Variants in APLP2 observed in about 807,000 individuals in gnomAD.
APLP2 encodes CDEI box-binding protein.
APLP2 carries 53 observed loss-of-function variants against 89.9 expected under a neutral mutation model. The ratio of observed to expected loss-of-function variants is 0.59; its 90% CI spans 0.47 to 0.74. The LOEUF is 0.74. APLP2 is among the 30% of genes least tolerant of loss of function. The pLI, the probability that APLP2 is intolerant of heterozygous loss-of-function variation, is 0.00. For missense variants in APLP2, 973 were observed against 975.9 expected, an observed-to-expected ratio of 1.00 and a Z score of 0.04; for synonymous variants, 372 against 348.6, an observed-to-expected ratio of 1.07 and a Z score of -0.75.
intron 1 of APLP2, chr11:130,109,040 G>C (rs991226828): frequency 6.6e-6 from 1 of 152,654 alleles, no homozygotes; most frequent in African/African-American, 2.4e-5. Context: ...CACACACTGG[G>C]GCCTGTCGTG....
At chr11:130,142,600 GTTT>G (rs914838474) in intron 16 of APLP2, among the ~76,000 whole-genome samples, 1 of 151,960 alleles carries the variant, frequency 6.6e-6, no homozygotes, top group African/African-American at 2.4e-5. Flanking sequence ...AGTTATTTGT[GTTT>G]TTTTGTTTGT....
chr11:130,128,611 A>G (rs1950616782), intron 9 of APLP2, among the ~76,000 whole-genome samples: 1 of 152,206 alleles, frequency 6.6e-6, no homozygotes, highest in Non-Finnish European at 1.5e-5. Flanking sequence ...AAAAATCACA[A>G]TTACTTTTGC....
At chr11:130,096,620 A>G (rs542552441) in intron 1 of APLP2, among the ~76,000 whole-genome samples, 1 of 152,310 alleles carries the variant, frequency 6.6e-6, no homozygotes, top group South Asian at 2.1e-4. Context: ...CAGAAGGCCA[A>G]GGCAGGAGGA....
chr11:130,077,238 T>C (rs1942293007), intron 1 of APLP2, among the ~76,000 whole-genome samples: 1 of 152,212 alleles, frequency 6.6e-6, no homozygotes, highest in Non-Finnish European at 1.5e-5. Context: ...GGGATAATGC[T>C]ATCATTTTAA....
chr11:130,108,103 A>G (rs1948039334), intron 1 of APLP2, among the ~76,000 whole-genome samples: 1 of 152,274 alleles, frequency 6.6e-6, no homozygotes, highest in Non-Finnish European at 1.5e-5. Flanking sequence ...ACTTAAAACC[A>G]TAAAAACCCC....
chr11:130,083,987 C>T (rs1565553674), intron 1 of APLP2, among the ~76,000 whole-genome samples: 1 of 152,230 alleles, frequency 6.6e-6, no homozygotes, highest in Non-Finnish European at 1.5e-5. Flanking sequence ...TGCCTCACGC[C>T]TGTAATCCCA....
chr11:130,138,615 T>C (rs1951935251), intron 13 of APLP2, among the ~76,000 whole-genome samples: 1 of 117,780 alleles, frequency 8.5e-6, no homozygotes, highest in Non-Finnish European at 1.7e-5. Flanking sequence ...TGAGATGGGG[T>C]CTTGCTGTTG....
rs550466708 is a variant in APLP2, at chr11:130,141,770, T to G, written c.1999-149T>G. 301 of 1,003,160 alleles carry G rather than the reference T, an allele frequency of 3.0e-4. 3 individuals carry two copies. The South Asian group carries it at 4.6e-3, about 15-fold the overall frequency. The allele number at this position is 1,003,160 out of a possible 1,614,324, so 62.1% of individuals were successfully genotyped here. On this transcript the variant is annotated intron_variant, in intron 15 of 16. Coordinates refer to ENST00000338167, the MANE Select transcript of APLP2 (RefSeq NM_001142276.2). This position sits in a 1 kb window ranked among gnomAD's most constrained non-coding sequence, Gnocchi z 4.2. ...TTGGGAAGAGTGGGCGTTCTCCACCTGTGGGTGGTTCCCTGCAAAGCAGGA... is the reference window on the plus strand; with the variant it reads ...TTGGGAAGAGTGGGCGTTCTCCACCGGTGGGTGGTTCCCTGCAAAGCAGGA...
Position 130,109,560 on chromosome 11 carries a change from C to G in APLP2, c.237C>G (p.Ser79Arg). 6.2e-7 allele frequency: 1 copy of G among 1,613,446 alleles called. No individual in the cohort carries two copies. Among genetic ancestry groups the G allele is most frequent in the Non-Finnish European group, 8.5e-7 (1 of 1,179,712 alleles). The change falls in exon 2 of 17, where the codon AGC (serine) becomes AGG (arginine). Residue 79 changes from serine to arginine, a missense_variant. By Grantham distance (110) the Ser-to-Arg change is moderately radical. Coordinates refer to ENST00000338167, the MANE Select transcript of APLP2 (RefSeq NM_001142276.2). ...KWEPDPTGTKSCFETKEEVLQ... is the reference protein window; with the variant it reads ...KWEPDPTGTKRCFETKEEVLQ... ...AACCTGATCCAACAGGCACCAAGAG[C>G]TGCTTTGAAACAAAAGAAGAAGTTC...
chr11:130,112,772 C>A (rs1356113680), intron 3 of APLP2, among the ~76,000 whole-genome samples: 1 of 152,128 alleles, frequency 6.6e-6, no homozygotes, highest in African/African-American at 2.4e-5. Flanking sequence ...TGCACAAAAT[C>A]TTAAAAAAGA....
chr11:130,099,426 A>G (rs923178435), intron 1 of APLP2, among the ~76,000 whole-genome samples: 1 of 152,272 alleles, frequency 6.6e-6, no homozygotes, highest in African/African-American at 2.4e-5. Flanking sequence ...ATGAGATTAC[A>G]TAGCAAGGAA....
intron 6 of APLP2, among the ~76,000 whole-genome samples, chr11:130,122,960 A>G (rs1426363149): frequency 6.7e-6 from 1 of 149,504 alleles, no homozygotes; most frequent in Non-Finnish European, 1.5e-5. Flanking sequence ...GGTGAAATTT[A>G]TTGACCTGCT....
chr11:130,097,918 C>G (rs1398444114), intron 1 of APLP2, among the ~76,000 whole-genome samples: 3 of 152,272 alleles, frequency 2.0e-5, no homozygotes, highest in Non-Finnish European at 4.4e-5. Flanking sequence ...AGTTATTCTT[C>G]AGCAAGGACC....
intron 1 of APLP2, among the ~76,000 whole-genome samples, chr11:130,079,597 T>C (rs1942809692): frequency 6.6e-6 from 1 of 152,250 alleles, no homozygotes; most frequent in Admixed American, 6.5e-5. Flanking sequence ...TTTTTCAGAT[T>C]GACCTTGTAT....
chr11:130,100,882 C>T (rs1024043374), intron 1 of APLP2, among the ~76,000 whole-genome samples: 16 of 152,160 alleles, frequency 1.1e-4, no homozygotes, highest in African/African-American at 3.9e-4. Flanking sequence ...TCATGTAATG[C>T]AAACTCTAAA....
At chr11:130,108,374 C>A (rs1199798515) in intron 1 of APLP2, among the ~76,000 whole-genome samples, 1 of 152,148 alleles carries the variant, frequency 6.6e-6, no homozygotes, top group Non-Finnish European at 1.5e-5. Context: ...AAAAAATCAA[C>A]CCCATCAACA....
At chr11:130,115,299 A>G (rs1422950309) in intron 3 of APLP2, among the ~76,000 whole-genome samples, 1 of 152,142 alleles carries the variant, frequency 6.6e-6, no homozygotes, top group Non-Finnish European at 1.5e-5. Context: ...ATAGTGTGTA[A>G]TAGTCATGTC....
chr11:130,114,852 G>A (rs1327819264), intron 3 of APLP2, among the ~76,000 whole-genome samples: 1 of 152,114 alleles, frequency 6.6e-6, no homozygotes, highest in Non-Finnish European at 1.5e-5. Context: ...AACTGGTCTC[G>A]GCAGCTTTGA....
intron 2 of APLP2, 96 bp from the exon 3 acceptor site, chr11:130,110,442 G>A (rs1325444287): frequency 6.9e-7 from 1 of 1,448,524 alleles, no homozygotes; most frequent in Non-Finnish European, 9.5e-7. Flanking sequence ...TAGGATAAGG[G>A]TGGAGGCTGA....
Sources: gnomAD v4.1 joint callset for allele counts (sites outside exome capture counted in the v4.1 genomes callset) on GRCh38, gnomAD v4.1.1 for gene constraint, Gnocchi (gnomAD v3.1) non-coding constraint, MANE v1.5 for transcripts, NCBI Gene and HGNC (gene_info 2026-07-23, HGNC 2026-07-21) for gene names.